The following SLC24A2 variants were observed in gnomAD, a reference collection of about 807,000 sequenced individuals.
SLC24A2 encodes sodium/potassium/calcium exchanger 2.
SLC24A2 carries 36 observed loss-of-function variants against 62.0 expected under a neutral mutation model. The observed-to-expected ratio is 0.58, with a 90% CI of 0.44 to 0.77. SLC24A2 has a LOEUF of 0.77. Among genes scored for constraint, SLC24A2 ranks in the 30% least tolerant of loss-of-function variants. The pLI, the probability that SLC24A2 is intolerant of heterozygous loss-of-function variation, is 0.00. For missense variants in SLC24A2, 846 were observed against 817.9 expected, an observed-to-expected ratio of 1.03 and a Z score of -0.42; for synonymous variants, 358 against 294.0, an observed-to-expected ratio of 1.22 and a Z score of -2.23.
At chr9:19,570,807 T>C (rs976514737) in intron 7 of SLC24A2, among the ~76,000 whole-genome samples, 13 of 152,206 alleles carry the variant, frequency 8.5e-5, no homozygotes, top group African/African-American at 3.1e-4. Context: ...GGATCTAGAA[T>C]TCACTACCAG....
At chr9:19,694,021 C>T (rs140259698) in intron 2 of SLC24A2, among the ~76,000 whole-genome samples, 2 of 151,846 alleles carry the variant, frequency 1.3e-5, no homozygotes, top group Non-Finnish European at 2.9e-5. Flanking sequence ...TTTTCAAATT[C>T]TCACTGCTAA....
the SLC24A2 span, among the ~76,000 whole-genome samples, chr9:20,142,032 A>C: frequency 6.6e-6 from 1 of 152,184 alleles, no homozygotes; most frequent in African/African-American, 2.4e-5. Context: ...GCAGTGGGCC[A>C]AAATTACACC....
the SLC24A2 span, among the ~76,000 whole-genome samples, chr9:20,045,581 G>T: frequency 6.6e-6 from 1 of 152,122 alleles, no homozygotes; most frequent in East Asian, 1.9e-4. Flanking sequence ...ACAGGCGCCC[G>T]CTACCACGCC....
At chr9:19,921,195 A>T in the SLC24A2 span, among the ~76,000 whole-genome samples, 1 of 151,756 alleles carries the variant, frequency 6.6e-6, no homozygotes, top group Non-Finnish European at 1.5e-5. Context: ...TCATTTAATG[A>T]CCTTTCTATA....
At chr9:20,076,018 A>C in the SLC24A2 span, among the ~76,000 whole-genome samples, 4 of 152,220 alleles carry the variant, frequency 2.6e-5, no homozygotes, top group Non-Finnish European at 4.4e-5. Context: ...CCATGTAAAT[A>C]GTTGTTACAC....
At chr9:20,238,070 T>C in the SLC24A2 span, among the ~76,000 whole-genome samples, 2 of 152,216 alleles carry the variant, frequency 1.3e-5, no homozygotes, top group Non-Finnish European at 2.9e-5. Flanking sequence ...ACCCTTGGGC[T>C]GGAAACTGAC....
chr9:19,997,930 G>A, the SLC24A2 span, among the ~76,000 whole-genome samples: 8 of 152,036 alleles, frequency 5.3e-5, no homozygotes, highest in African/African-American at 1.4e-4. Flanking sequence ...AATTTTCTCT[G>A]GCTCTTTCCA....
the SLC24A2 span, among the ~76,000 whole-genome samples, chr9:20,230,379 ATCCTCTCCAGCACC>A: frequency 6.6e-6 from 1 of 152,178 alleles, no homozygotes; most frequent in African/African-American, 2.4e-5. Flanking sequence ...ATTTCTCCAC[ATCCTCTCCAGCACC>A]TGTGGTTTCC....
chr9:19,533,543 C>T (rs1458779296), intron 8 of SLC24A2, among the ~76,000 whole-genome samples: 2 of 152,202 alleles, frequency 1.3e-5, no homozygotes, highest in Admixed American at 6.5e-5. Context: ...TTCATACTTG[C>T]TGCTCTCGGC....
chr9:19,567,028 C>T lies in SLC24A2; in HGVS notation c.1347+6323G>A, dbSNP rs189898865. On this transcript the variant is annotated intron_variant, in intron 7 of 10. Coordinates refer to ENST00000341998, the MANE Select transcript of SLC24A2 (RefSeq NM_020344.4). ...AATGTAAATGGCGAGTTAATGGCTGCGGCACACCAACATGGCACATGTATA... is the reference window on the plus strand; with the variant it reads ...AATGTAAATGGCGAGTTAATGGCTGTGGCACACCAACATGGCACATGTATA... Among the ~76,000 whole-genome samples, 297 of 151,920 alleles carry T rather than the reference C, an allele frequency of 2.0e-3. 1 individual carries two copies. The highest frequency in any genetic ancestry group is 6.3e-3 in the African/African-American group (259 of 41,414).
At chr9:19,794,874 C>CAA in the SLC24A2 span, among the ~76,000 whole-genome samples, 1 of 149,986 alleles carries the variant, frequency 6.7e-6, no homozygotes, top group Admixed American at 6.6e-5. Context: ...CTTTATGACT[C>CAA]AAAAAAAAAA....
At chr9:20,087,999 T>C in the SLC24A2 span, among the ~76,000 whole-genome samples, 2 of 152,132 alleles carry the variant, frequency 1.3e-5, no homozygotes, top group Non-Finnish European at 2.9e-5. Flanking sequence ...GTGAATCCAC[T>C]CCACCAGGAC....
At chr9:19,994,151 T>A in the SLC24A2 span, among the ~76,000 whole-genome samples, 1 of 152,078 alleles carries the variant, frequency 6.6e-6, no homozygotes, top group Non-Finnish European at 1.5e-5. Flanking sequence ...CTGCTTCTAG[T>A]GGAAAAGAAC....
At chr9:19,733,248 G>A (rs564579052) in intron 2 of SLC24A2, among the ~76,000 whole-genome samples, 1 of 151,996 alleles carries the variant, frequency 6.6e-6, no homozygotes, top group East Asian at 1.9e-4. Flanking sequence ...GGAACAATTC[G>A]GTATACCTGT....
At chr9:20,265,816 T>G in the SLC24A2 span, among the ~76,000 whole-genome samples, 1 of 152,208 alleles carries the variant, frequency 6.6e-6, no homozygotes, top group Non-Finnish European at 1.5e-5. Context: ...CGCTGAATTC[T>G]TTTTCTCAGC....
chr9:20,237,294 G>C, the SLC24A2 span, among the ~76,000 whole-genome samples: 3 of 152,066 alleles, frequency 2.0e-5, no homozygotes, highest in African/African-American at 7.2e-5. Flanking sequence ...ACCTTCTAGG[G>C]GCAGACACTG....
chr9:20,232,194 C>G, the SLC24A2 span, among the ~76,000 whole-genome samples: 4 of 152,096 alleles, frequency 2.6e-5, no homozygotes, highest in African/African-American at 4.8e-5. Flanking sequence ...GTCTAAAATT[C>G]TCTTTTTTGG....
At chr9:19,636,315 T>TTTCCTTTCCTTTCCC (rs1554690361) in intron 2 of SLC24A2, among the ~76,000 whole-genome samples, 2 of 40,328 alleles carry the variant, frequency 5.0e-5, no homozygotes, top group African/African-American at 2.3e-4. Context: ...TTTTCTTTTC[T>TTTCCTTTCCTTTCCC]TTTCTTTCTT....
chr9:19,820,297 G>A, the SLC24A2 span, among the ~76,000 whole-genome samples: 9 of 149,764 alleles, frequency 6.0e-5, no homozygotes, highest in African/African-American at 1.7e-4. Flanking sequence ...AAGAGTGGGA[G>A]GGGGCAAGGG....
Sources: allele counts gnomAD v4.1 joint callset (sites outside exome capture counted in the v4.1 genomes callset), GRCh38; gene constraint gnomAD v4.1.1; transcripts MANE v1.5; gene names NCBI Gene and HGNC (gene_info 2026-07-23, HGNC 2026-07-21).